The following ATAD2B variants were observed in gnomAD, a reference collection of about 807,000 sequenced individuals.
ATAD2B encodes ATPase family AAA domain containing 2B, also known as ATPase family AAA domain-containing protein 2B.
A neutral mutation model predicts 167.6 loss-of-function variants in ATAD2B; 40 were observed. The ratio of observed to expected loss-of-function variants is 0.24; its 90% CI spans 0.19 to 0.31. ATAD2B has a LOEUF of 0.31. Among genes scored for constraint, ATAD2B ranks in the 10% least tolerant of loss-of-function variants. ATAD2B has a pLI of 1.00. For synonymous variants in ATAD2B, 579 were observed against 596.5 expected (o/e 0.97, Z 0.43); for missense variants, 1,242 against 1,757.2 (o/e 0.71, Z 5.24).
chr2:23,683,862 T>G, the ATAD2B span, among the ~76,000 whole-genome samples: 2 of 152,100 alleles, frequency 1.3e-5, no homozygotes, highest in African/African-American at 4.8e-5. Context: ...CCCCCTCCTT[T>G]CTCGGGGTCT....
At position 23,899,622 on chromosome 2, in the gene ATAD2B, G is replaced by C. The variant is rs1013750069; in HGVS notation, c.217-3652C>G. 4.6e-5 allele frequency among the ~76,000 whole-genome samples: 7 copies of C among 151,512 alleles called. No individual in the cohort carries two copies. The South Asian group carries it at 1.3e-3, about 27-fold the overall frequency. ...TTTTTTTTCTCTGAGATGGAGTCTC[G>C]CTCTCTCACCCAAGCTGGAGTGCAG... On this transcript the variant is annotated intron_variant, in intron 1 of 27. Coordinates refer to ENST00000238789, the MANE Select transcript of ATAD2B (RefSeq NM_017552.4).
intron 1 of ATAD2B, among the ~76,000 whole-genome samples, chr2:23,901,555 G>A (rs922384495): frequency 2.0e-5 from 3 of 151,792 alleles, no homozygotes; most frequent in East Asian, 1.9e-4. Context: ...TTACAAAAAC[G>A]TACCCTATTT....
Position 23,927,096 on chromosome 2 carries a change from A to G in ATAD2B, c.-326T>C. On this transcript the variant is annotated 5_prime_UTR_variant, in exon 1 of 28. Transcript: ENST00000238789. ...TTCTCGCTCTCGAGCTCCGTGCGTC[A>G]AGGCTCCAGCGCCGCAGGGCCAACG... 1 of 263,952 alleles carries G rather than the reference A, an allele frequency of 3.8e-6. No individual in the cohort carries two copies. The highest frequency in any genetic ancestry group is 7.2e-6 in the Non-Finnish European group (1 of 139,364). 16.4% of individuals were successfully genotyped at this position (263,952 alleles called of 1,614,324 possible).
At chr2:23,693,449 G>A in the ATAD2B span, 1 of 1,551,744 alleles carries the variant, frequency 6.4e-7, no homozygotes, top group Non-Finnish European at 8.7e-7. Context: ...TCCAACGACA[G>A]CCTCAACACC....
At position 23,823,555 on chromosome 2, in the gene ATAD2B, C is replaced by T. The variant is rs950121871; in HGVS notation, c.1834G>A (p.Asp612Asn). 1.5e-5 allele frequency: 24 copies of T among 1,612,042 alleles called. No individual in the cohort carries two copies. The highest frequency in any genetic ancestry group is 2.0e-5 in the Non-Finnish European group (23 of 1,179,450). The change falls in exon 16 of 28, where the codon GAT (aspartate) becomes AAT (asparagine). Residue 612 changes from aspartate to asparagine, a missense_variant. Physicochemically the swap from Asp to Asn is conservative, Grantham distance 23. This residue lies in a region of ATAD2B where 151 missense variants were observed against 284.1 expected (regional missense o/e 0.53). Transcript: ENST00000238789. ...GCTTCAGTGCACAGGGCCTTGATAT[C>T]GGCTCCACAGTAGCCTAATACACAA... ...AEKCVGYCGA[D>N]IKALCTEAAL...
intron 22 of ATAD2B, among the ~76,000 whole-genome samples, chr2:23,782,659 A>G (rs1306763855): frequency 6.6e-6 from 1 of 152,240 alleles, no homozygotes; most frequent in Non-Finnish European, 1.5e-5. Context: ...AAATGAAGAA[A>G]CAAACCCCTG....
intron 2 of ATAD2B, among the ~76,000 whole-genome samples, chr2:23,889,941 G>A (rs1032377821): frequency 6.6e-6 from 1 of 150,460 alleles, no homozygotes; most frequent in African/African-American, 2.4e-5. Context: ...CAGGCTGGGC[G>A]CGGTGGCTCA....
chr2:23,885,700 A>G (rs1439038867), intron 5 of ATAD2B, 27 bp downstream of exon 5: 2 of 1,330,866 alleles, frequency 1.5e-6, no homozygotes, highest in Non-Finnish European at 2.1e-6. Flanking sequence ...AAATATTTAC[A>G]AAGATTGCTA....
intron 22 of ATAD2B, among the ~76,000 whole-genome samples, chr2:23,774,720 T>C (rs1678817296): frequency 6.6e-6 from 1 of 151,972 alleles, no homozygotes; most frequent in South Asian, 2.1e-4. Flanking sequence ...ACCAACATGG[T>C]GAAACCCCGT....
intron 2 of ATAD2B, among the ~76,000 whole-genome samples, chr2:23,892,468 C>G (rs953737731): frequency 7.0e-6 from 1 of 142,306 alleles, no homozygotes. Flanking sequence ...CCGGTTTTTT[C>G]TTTTCTTTTT....
At chr2:23,785,922 A>C (rs1413156819) in intron 21 of ATAD2B, 105 bp downstream of exon 21, 1 of 970,738 alleles carries the variant, frequency 1.0e-6, no homozygotes, top group Non-Finnish European at 1.5e-6. Context: ...GCTAGGGGTA[A>C]TATTCATCCA....
At chr2:23,851,145 A>G (rs772227237) in intron 13 of ATAD2B, among the ~76,000 whole-genome samples, 2 of 152,142 alleles carry the variant, frequency 1.3e-5, no homozygotes, top group Non-Finnish European at 1.5e-5. Flanking sequence ...CCAGTTTTAT[A>G]GAGATTTTTT....
At chr2:23,867,243 C>T (rs1198016617) in intron 10 of ATAD2B, among the ~76,000 whole-genome samples, 1 of 152,138 alleles carries the variant, frequency 6.6e-6, no homozygotes, top group Non-Finnish European at 1.5e-5. Context: ...AGCCATTCTC[C>T]ATCCAGACCA....
the ATAD2B span, among the ~76,000 whole-genome samples, chr2:23,694,724 C>T: frequency 3.3e-5 from 5 of 152,200 alleles, no homozygotes; most frequent in Non-Finnish European, 7.3e-5. Context: ...CGCCTCTACA[C>T]GGGCTTCGAA....
chr2:23,902,641 G>A (rs1294143568), intron 1 of ATAD2B, among the ~76,000 whole-genome samples: 1 of 152,132 alleles, frequency 6.6e-6, no homozygotes, highest in Non-Finnish European at 1.5e-5. Context: ...AGCAATCTGT[G>A]TCACAGTGAT....
chr2:23,913,061 C>A (rs1022587640), intron 1 of ATAD2B, among the ~76,000 whole-genome samples: 3 of 152,124 alleles, frequency 2.0e-5, no homozygotes, highest in Admixed American at 2.0e-4. Flanking sequence ...GAGTATCTGA[C>A]CAATCAATAA....
the ATAD2B span, among the ~76,000 whole-genome samples, chr2:23,724,308 A>ATGAATATAT: frequency 6.6e-6 from 1 of 152,204 alleles, no homozygotes; most frequent in Non-Finnish European, 1.5e-5. Context: ...GTTTGATATG[A>ATGAATATAT]TGAATATATT....
chr2:23,713,210 C>T, the ATAD2B span, among the ~76,000 whole-genome samples: 1 of 152,370 alleles, frequency 6.6e-6, no homozygotes, highest in African/African-American at 2.4e-5. Context: ...CAAACCTGGG[C>T]ACCACAGGAC....
chr2:23,869,782 C>T (rs1426935631), intron 8 of ATAD2B, 21 bp from the exon 9 acceptor site: 1 of 1,489,520 alleles, frequency 6.7e-7, no homozygotes, highest in Non-Finnish European at 9.1e-7. Flanking sequence ...AGAGTAAAAT[C>T]CTTAAAACCA....
Sources: gnomAD v4.1 joint callset for allele counts (sites outside exome capture counted in the v4.1 genomes callset) on GRCh38, gnomAD v4.1.1 for gene constraint, gnomAD v4.1.1 regional missense constraint, MANE v1.5 for transcripts, NCBI Gene and HGNC (gene_info 2026-07-23, HGNC 2026-07-21) for gene names.